The following SPARCL1 variants were observed in gnomAD, a reference collection of about 807,000 sequenced individuals.
The protein encoded by SPARCL1 is SPARC like 1, also known as SPARC-like protein 1.
In SPARCL1, 52 loss-of-function variants were observed where a neutral mutation model predicts 67.1. The ratio of observed to expected loss-of-function variants is 0.78; its 90% CI spans 0.62 to 0.98. The LOEUF (loss-of-function observed/expected upper bound fraction) is 0.98, where lower values mean the gene tolerates loss of function less well. Among genes scored for constraint, SPARCL1 ranks in the 50% least tolerant of loss-of-function variants. The pLI is 0.00. For missense variants in SPARCL1, 717 were observed against 782.4 expected (o/e 0.92, Z 1.00); for synonymous variants, 226 against 267.8 (o/e 0.84, Z 1.52).
rs1408587498 is a variant in SPARCL1 at position 87,473,568 on chromosome 4, GACTTT to G, written c.*202_*206del. On this transcript the variant is annotated 3_prime_UTR_variant, in exon 11 of 11. Transcript: ENST00000282470. The stretch of plus-strand genomic sequence containing the variant: ...CAATGTACAGTATTTTGCATATGTT[GACTTT>G]ACTTAATTGTACATTTTTGTTTCCA... The G allele has an allele frequency of 4.5e-6, 2 of 447,124 alleles. No individual in the cohort carries two copies. The highest frequency in any genetic ancestry group is 4.8e-5 in the South Asian group (1 of 21,006). 27.7% of individuals were successfully genotyped at this position (447,124 alleles called of 1,614,324 possible).
chr4:87,507,588 A>G (rs935330058), intron 1 of SPARCL1, among the ~76,000 whole-genome samples: 3 of 152,212 alleles, frequency 2.0e-5, no homozygotes, highest in African/African-American at 7.2e-5. Context: ...CCACGCTACA[A>G]TCAACACAGA....
intron 1 of SPARCL1, among the ~76,000 whole-genome samples, chr4:87,507,108 T>C (rs1319110722): frequency 6.6e-6 from 1 of 152,192 alleles, no homozygotes; most frequent in Non-Finnish European, 1.5e-5. Flanking sequence ...TAAAGTCCAT[T>C]CTGGCCACAC....
chr4:87,473,661 A>T lies in SPARCL1; in HGVS notation c.*114T>A. 1.4e-6 allele frequency: 1 copy of T among 705,600 alleles called. No individual in the cohort carries two copies. Among genetic ancestry groups the T allele is most frequent in the Non-Finnish European group, 2.4e-6 (1 of 419,352 alleles). 43.7% of individuals were successfully genotyped at this position (705,600 alleles called of 1,614,324 possible). A position where few individuals can be genotyped will look rare whatever the true frequency, so the allele number is the denominator to read the frequency against. On this transcript the variant is annotated 3_prime_UTR_variant, in exon 11 of 11. Transcript: ENST00000282470. ...AAGCAATTACTCTCATTGTCTTGTC[A>T]TACATGCTAACATTTTGCTAAATAT... is the stretch of plus-strand genomic sequence containing the variant.
chr4:87,496,862 G>A (rs990479620), intron 2 of SPARCL1, among the ~76,000 whole-genome samples: 1 of 151,958 alleles, frequency 6.6e-6, no homozygotes, highest in African/African-American at 2.4e-5. Context: ...TGGAGTACAG[G>A]ATTTATTTTT....
At chr4:87,517,891 C>A (rs961253447) in intron 1 of SPARCL1, among the ~76,000 whole-genome samples, 3 of 152,172 alleles carry the variant, frequency 2.0e-5, no homozygotes, top group African/African-American at 4.8e-5. Context: ...GGTGTTGGGA[C>A]CTTCTGGGGA....
chr4:87,526,487 T>G (rs1368404912), intron 1 of SPARCL1, among the ~76,000 whole-genome samples: 13 of 152,206 alleles, frequency 8.5e-5, no homozygotes, highest in Non-Finnish European at 1.5e-5. Flanking sequence ...ACATCACATT[T>G]CATTCCTACA....
intron 6 of SPARCL1, 76 bp downstream of exon 6, chr4:87,490,675 TAAGCAAAAA>T: frequency 1.0e-6 from 1 of 993,656 alleles, no homozygotes; most frequent in Admixed American, 2.4e-5. Flanking sequence ...CTACCTTTTT[TAAGCAAAAA>T]TTTCAATGGC....
chr4:87,498,493 T>G (rs1724715046), intron 2 of SPARCL1, among the ~76,000 whole-genome samples: 1 of 152,234 alleles, frequency 6.6e-6, no homozygotes, highest in African/African-American at 2.4e-5. Flanking sequence ...TCCTTTGGTT[T>G]AATGAAGGAT....
At chr4:87,489,487 C>T (rs1466521054) in intron 7 of SPARCL1, among the ~76,000 whole-genome samples, 3 of 152,162 alleles carry the variant, frequency 2.0e-5, no homozygotes, top group Admixed American at 1.3e-4. Context: ...CCTCTTTCTG[C>T]GTTGATCTCA....
rs1209242182 is a variant in SPARCL1, at chr4:87,490,634, AT to A, written c.1410+125del. The A allele has an allele frequency of 1.0e-5, 8 of 769,164 alleles. No individual in the cohort carries two copies. The African/African-American group carries it at 1.4e-4, about 13-fold the overall frequency. 47.6% of individuals were successfully genotyped at this position (769,164 alleles called of 1,614,324 possible). On this transcript the variant is annotated intron_variant, in intron 6 of 10. Transcript: ENST00000282470. ...AATGAAAACTGCAGATGTTCCAAATATCCCAAATAACCAAATGATAACCTAG... is the reference window on the plus strand; with the variant it reads ...AATGAAAACTGCAGATGTTCCAAATACCCAAATAACCAAATGATAACCTAG...
At chr4:87,518,795 T>A (rs1725686232) in intron 1 of SPARCL1, among the ~76,000 whole-genome samples, 1 of 152,106 alleles carries the variant, frequency 6.6e-6, no homozygotes, top group African/African-American at 2.4e-5. Flanking sequence ...AAGAAGACAC[T>A]TAGGGTTAAG....
intron 1 of SPARCL1, among the ~76,000 whole-genome samples, chr4:87,523,026 C>T (rs1284447696): frequency 2.0e-5 from 3 of 152,068 alleles, no homozygotes; most frequent in Non-Finnish European, 4.4e-5. Flanking sequence ...TCTGGGAGGC[C>T]GAGGTGGGTG....
Position 87,493,999 on chromosome 4 carries a change from T to C in SPARCL1, c.801A>G (p.Glu267=). Residue 267 remains glutamate, a synonymous_variant, in exon 4 of 11, where the codon GAA becomes GAG. Coordinates refer to ENST00000282470, the MANE Select transcript of SPARCL1 (RefSeq NM_004684.6). ...TTTCTGCATTGGAGTTATCTTCTTG[T>C]TCTTGGTTACCCTGATCAAATTCAT... is the stretch of plus-strand genomic sequence containing the variant. The part of the protein sequence containing the change: ...QEDEFDQGNQ[E]QEDNSNAEME... 6.2e-7 allele frequency: 1 copy of C among 1,614,182 alleles called. No homozygotes were observed. The highest frequency in any genetic ancestry group is 8.5e-7 in the Non-Finnish European group (1 of 1,180,040).
chr4:87,517,073 G>A (rs1197814879), intron 1 of SPARCL1, among the ~76,000 whole-genome samples: 1 of 152,194 alleles, frequency 6.6e-6, no homozygotes, highest in Admixed American at 6.5e-5. Context: ...ATTTTTCTTT[G>A]CTCAAGTCCT....
chr4:87,496,193 T>A (rs956037336), intron 2 of SPARCL1, among the ~76,000 whole-genome samples: 1 of 152,142 alleles, frequency 6.6e-6, no homozygotes, highest in African/African-American at 2.4e-5. Flanking sequence ...TAATATTTTT[T>A]ATTAATTAAA....
At chr4:87,492,598 A>G (rs985695717) in intron 4 of SPARCL1, among the ~76,000 whole-genome samples, 5 of 152,202 alleles carry the variant, frequency 3.3e-5, no homozygotes, top group African/African-American at 4.8e-5. Context: ...CTAGAAATGT[A>G]GTATTATCTT....
chr4:87,479,645 C>A, intron 9 of SPARCL1, 67 bp from the exon 10 acceptor site: 1 of 1,499,444 alleles, frequency 6.7e-7, no homozygotes, highest in South Asian at 1.2e-5. Flanking sequence ...CTCTCAGGCT[C>A]ACCAAGGACA....
In SPARCL1 at chr4:87,517,672, A is replaced by T. The variant is rs183801813; in HGVS notation, c.-12+11373T>A. 1.8e-4 allele frequency among the ~76,000 whole-genome samples: 27 copies of T among 152,314 alleles called. No individual in the cohort carries two copies. In the East Asian group the frequency reaches 5.2e-3, roughly 29 times the overall value. On this transcript the variant is annotated intron_variant, in intron 1 of 10. Coordinates refer to ENST00000282470, the MANE Select transcript of SPARCL1 (RefSeq NM_004684.6). ...ATTAGTTAAACTCTACCAGTATAAT[A>T]TAAAACTCCTTTGGATTCAGTGGAA...
In SPARCL1 at chr4:87,480,499, C is replaced by T; in HGVS notation, c.1690G>A (p.Glu564Lys). Residue 564 changes from glutamate (E) to lysine (K), a missense_variant, in exon 9 of 11, where the codon GAA becomes AAA. Coordinates refer to ENST00000282470, the MANE Select transcript of SPARCL1 (RefSeq NM_004684.6). ...TGGTCCCCAGCCAAAAGCCTCTTTT[C>T]ATCCAGGTAAATTTTCTTGACCTGG... ...RNKVKKIYLD[E>K]KRLLAGDHPI... 6.2e-7 allele frequency: 1 copy of T among 1,609,900 alleles called. No homozygotes were observed. Among genetic ancestry groups the T allele is most frequent in the South Asian group, 1.1e-5 (1 of 89,876 alleles).
Sources: allele counts gnomAD v4.1 joint callset (sites outside exome capture counted in the v4.1 genomes callset), GRCh38; gene constraint gnomAD v4.1.1; transcripts MANE v1.5; gene names NCBI Gene and HGNC (gene_info 2026-07-23, HGNC 2026-07-21).